CACNA2D3: variants seen among roughly 807,000 people sequenced by gnomAD.
The protein encoded by CACNA2D3 is voltage-dependent calcium channel subunit alpha-2/delta-3.
In CACNA2D3, 60 loss-of-function variants were observed where a neutral mutation model predicts 160.6. The ratio of observed to expected loss-of-function variants is 0.37; its 90% confidence interval spans 0.30 to 0.46. CACNA2D3 has a LOEUF of 0.46. CACNA2D3 is among the 20% of genes least tolerant of loss of function. The pLI, the probability that CACNA2D3 is intolerant of heterozygous loss-of-function variation, is 1.00. For synonymous variants in CACNA2D3, 558 were observed against 492.9 expected (o/e 1.13, Z -1.75); for missense variants, 1,205 against 1,365.0 (o/e 0.88, Z 1.85).
chr3:54,573,004 A>C (rs1019876505), intron 8 of CACNA2D3, among the ~76,000 whole-genome samples: 1 of 152,198 alleles, frequency 6.6e-6, no homozygotes, highest in Non-Finnish European at 1.5e-5. Flanking sequence ...GGTGACTAAG[A>C]TAATTAAAAG....
At chr3:54,953,995 A>T (rs1323264018) in intron 27 of CACNA2D3, among the ~76,000 whole-genome samples, 1 of 152,214 alleles carries the variant, frequency 6.6e-6, no homozygotes, top group Admixed American at 6.5e-5. Flanking sequence ...AGTGCCATCC[A>T]TGCAGTTTTA....
At chr3:54,530,342 A>C (rs754333819) in intron 5 of CACNA2D3, among the ~76,000 whole-genome samples, 4 of 152,128 alleles carry the variant, frequency 2.6e-5, no homozygotes, top group Non-Finnish European at 5.9e-5. Context: ...GAAAGATGCA[A>C]GATTTGATGA....
intron 10 of CACNA2D3, among the ~76,000 whole-genome samples, chr3:54,633,257 T>C (rs868687349): frequency 1.3e-5 from 2 of 152,204 alleles, no homozygotes; most frequent in Admixed American, 1.3e-4. Flanking sequence ...GTGTGCTCAA[T>C]TGGAGAGTAG....
At chr3:54,806,941 T>C (rs575950077) in intron 13 of CACNA2D3, among the ~76,000 whole-genome samples, 9 of 152,014 alleles carry the variant, frequency 5.9e-5, no homozygotes, top group South Asian at 2.1e-4. Context: ...CTGAGAAAAA[T>C]AAGCAATGGG....
intron 6 of CACNA2D3, among the ~76,000 whole-genome samples, chr3:54,563,346 A>C (rs563397746): frequency 6.6e-6 from 1 of 152,308 alleles, no homozygotes; most frequent in South Asian, 2.1e-4. Context: ...AGGTATAAGA[A>C]ATAGAGAATT....
chr3:54,755,816 A>AT (rs1387419591), intron 12 of CACNA2D3, among the ~76,000 whole-genome samples: 6 of 151,366 alleles, frequency 4.0e-5, no homozygotes, highest in African/African-American at 9.7e-5. Flanking sequence ...CCATTTTTTA[A>AT]TTTTTTTTAA....
rs60967814 is a variant in CACNA2D3 at position 54,650,201 on chromosome 3, T to TTTTGTTTGTTTGTTTG, written c.1167+7961_1167+7976dup. Among the ~76,000 whole-genome samples the TTTTGTTTGTTTGTTTG allele has an allele frequency of 6.3e-3, 949 of 151,184 alleles. 15 individuals are homozygous for TTTTGTTTGTTTGTTTG. The highest frequency in any genetic ancestry group is 0.019 in the African/African-American group (788 of 41,118). Reference sequence around the variant, plus strand: ...GGTAGCTTGTTTTTTTGTTTTTTGTTTTTGTTTGTTTGTTTGAGACGGAGT... The same window carrying TTTTGTTTGTTTGTTTG: ...GGTAGCTTGTTTTTTTGTTTTTTGTTTTTGTTTGTTTGTTTGTTTGTTTGTTTGTTTGAGACGGAGT... On this transcript the variant is annotated intron_variant, in intron 11 of 37. Coordinates refer to ENST00000474759, the MANE Select transcript of CACNA2D3 (RefSeq NM_018398.3).
At chr3:54,235,361 C>T (rs773495927) in intron 2 of CACNA2D3, among the ~76,000 whole-genome samples, 51 of 152,246 alleles carry the variant, frequency 3.3e-4, no homozygotes, top group Non-Finnish European at 5.7e-4. Flanking sequence ...TGCATCTGCT[C>T]GGCTTCTGGG....
intron 13 of CACNA2D3, among the ~76,000 whole-genome samples, chr3:54,804,349 G>C (rs1218796534): frequency 6.6e-6 from 1 of 151,940 alleles, no homozygotes; most frequent in Non-Finnish European, 1.5e-5. Flanking sequence ...CAAAATAAAA[G>C]GATGGAGGAA....
intron 2 of CACNA2D3, among the ~76,000 whole-genome samples, chr3:54,209,402 C>G (rs539850460): frequency 1.3e-5 from 2 of 152,280 alleles, no homozygotes; most frequent in African/African-American, 4.8e-5. Context: ...GGGGCTGGGT[C>G]TCATAGATGT....
intron 13 of CACNA2D3, among the ~76,000 whole-genome samples, chr3:54,789,615 C>T (rs1235726755): frequency 6.6e-6 from 1 of 152,186 alleles, no homozygotes; most frequent in African/African-American, 2.4e-5. Flanking sequence ...AGCTTGCTTT[C>T]TCTCCTCTTA....
intron 3 of CACNA2D3, among the ~76,000 whole-genome samples, chr3:54,325,778 GA>G (rs1169583591): frequency 6.6e-6 from 1 of 152,182 alleles, no homozygotes; most frequent in African/African-American, 2.4e-5. Context: ...CCTACTCAGT[GA>G]TGAGCCAATT....
intron 11 of CACNA2D3, among the ~76,000 whole-genome samples, chr3:54,648,379 G>A (rs1699694845): frequency 6.6e-6 from 1 of 152,212 alleles, no homozygotes; most frequent in African/African-American, 2.4e-5. Flanking sequence ...GAATTCAGTA[G>A]TTGTGACAAA....
At chr3:54,131,899 C>T (rs1699716942) in intron 2 of CACNA2D3, among the ~76,000 whole-genome samples, 1 of 152,182 alleles carries the variant, frequency 6.6e-6, no homozygotes, top group South Asian at 2.1e-4. Flanking sequence ...AAATATAGGG[C>T]AGGTGTTTGA....
At chr3:54,235,813 T>A (rs1701862240) in intron 2 of CACNA2D3, among the ~76,000 whole-genome samples, 1 of 152,232 alleles carries the variant, frequency 6.6e-6, no homozygotes, top group Non-Finnish European at 1.5e-5. Context: ...CTGCTCCGGC[T>A]TCCGGGAGGT....
intron 27 of CACNA2D3, among the ~76,000 whole-genome samples, chr3:54,954,575 A>G (rs1253797087): frequency 6.6e-6 from 1 of 152,064 alleles, no homozygotes; most frequent in Non-Finnish European, 1.5e-5. Flanking sequence ...TCCAGTCCAA[A>G]TCATCTTTCC....
intron 27 of CACNA2D3, among the ~76,000 whole-genome samples, chr3:54,928,584 G>T (rs1225599557): frequency 6.6e-6 from 1 of 152,054 alleles, no homozygotes; most frequent in East Asian, 1.9e-4. Flanking sequence ...GTGTTGACAG[G>T]GTCTTGATGC....
At chr3:54,747,624 C>G (rs1008792002) in intron 11 of CACNA2D3, among the ~76,000 whole-genome samples, 1 of 152,124 alleles carries the variant, frequency 6.6e-6, no homozygotes, top group African/African-American at 2.4e-5. Flanking sequence ...GATGTGGCAC[C>G]CATTGTATCT....
At chr3:54,961,172 A>C (rs1041274440) in intron 27 of CACNA2D3, among the ~76,000 whole-genome samples, 1 of 152,246 alleles carries the variant, frequency 6.6e-6, no homozygotes, top group Non-Finnish European at 1.5e-5. Context: ...CCTTGTTACT[A>C]TCACTGCTAG....
Sources: allele counts gnomAD v4.1 joint callset (sites outside exome capture counted in the v4.1 genomes callset), GRCh38; gene constraint gnomAD v4.1.1; transcripts MANE v1.5; gene names NCBI Gene and HGNC (gene_info 2026-07-23, HGNC 2026-07-21).